Variants in GKAP1 observed in about 807,000 individuals in gnomAD.
GKAP1 encodes the protein G kinase anchoring protein 1, also known as G kinase-anchoring protein 1.
GKAP1 carries 31 observed loss-of-function variants against 56.7 expected under a neutral mutation model. The ratio of observed to expected loss-of-function variants is 0.55; its 90% CI spans 0.41 to 0.74. The LOEUF is 0.74. Among genes scored for constraint, GKAP1 ranks in the 30% least tolerant of loss-of-function variants. The probability of loss-of-function intolerance (pLI) is 0.00; values close to 1 mark genes in which losing one functional copy is unlikely to be tolerated. For synonymous variants in GKAP1, 151 were observed against 138.6 expected (o/e 1.09, Z -0.63); for missense variants, 364 against 402.3 (o/e 0.90, Z 0.82).
At chr9:83,799,754 G>C (rs1174395083) in intron 3 of GKAP1, among the ~76,000 whole-genome samples, 1 of 152,074 alleles carries the variant, frequency 6.6e-6, no homozygotes, top group African/African-American at 2.4e-5. Flanking sequence ...AGGAGATTGA[G>C]ACCAGCCTCA....
intron 2 of GKAP1, among the ~76,000 whole-genome samples, chr9:83,811,141 C>T (rs771056130): frequency 4.6e-5 from 7 of 152,166 alleles, no homozygotes; most frequent in Non-Finnish European, 8.8e-5. Context: ...CTGAAATGTG[C>T]CATGAGGCGC....
chr9:83,758,037 C>T (rs879465081), intron 8 of GKAP1, among the ~76,000 whole-genome samples: 2 of 152,032 alleles, frequency 1.3e-5, no homozygotes, highest in Non-Finnish European at 2.9e-5. Context: ...AACAGAGCCC[C>T]GAAGGCCACA....
At chr9:83,779,448 T>TACACACACACACACACACAC (rs368970118) in intron 7 of GKAP1, among the ~76,000 whole-genome samples, 1,268 of 119,572 alleles carry the variant, frequency 0.011, 32 homozygotes, top group Non-Finnish European at 0.016. Context: ...TATATATATA[T>TACACACACACACACACACAC]ACACACACAC....
chr9:83,739,560 G>C lies in GKAP1; in HGVS notation c.*137C>G. 2.0e-6 allele frequency: 1 copy of C among 489,074 alleles called. No individual in the cohort carries two copies. The highest frequency in any genetic ancestry group is 3.6e-6 in the Non-Finnish European group (1 of 278,144). 30.3% of individuals were successfully genotyped at this position (489,074 alleles called of 1,614,324 possible). ...TTAAGCCAAAAGAAATAAAATTATA[G>C]ACCATTAGGGAGCTAGTTGCTTTTA... On this transcript the variant is annotated 3_prime_UTR_variant, in exon 13 of 13. Coordinates refer to ENST00000376371, the MANE Select transcript of GKAP1 (RefSeq NM_025211.4).
At chr9:83,745,140 CCCACCTTAG>C (rs1218482690) in intron 10 of GKAP1, among the ~76,000 whole-genome samples, 2 of 152,122 alleles carry the variant, frequency 1.3e-5, no homozygotes, top group African/African-American at 4.8e-5. Flanking sequence ...ATGCAATCCT[CCCACCTTAG>C]CCTTCCAAGC....
intron 7 of GKAP1, among the ~76,000 whole-genome samples, chr9:83,769,638 G>C (rs1419929058): frequency 6.6e-6 from 1 of 152,062 alleles, no homozygotes. Context: ...ATAGACATTT[G>C]GGTTGTTGCT....
intron 8 of GKAP1, among the ~76,000 whole-genome samples, chr9:83,761,752 T>C (rs1943575191): frequency 6.6e-6 from 1 of 152,288 alleles, no homozygotes; most frequent in Non-Finnish European, 1.5e-5. Flanking sequence ...TGGTTCAACA[T>C]ATGCAAATCA....
At position 83,788,616 on chromosome 9, in the gene GKAP1, A is replaced by T; in HGVS notation, c.423T>A (p.Tyr141Ter). 1 of 1,584,346 alleles carries T rather than the reference A, an allele frequency of 6.3e-7. No individual in the cohort carries two copies. Among genetic ancestry groups the T allele is most frequent in the African/African-American group, 1.3e-5 (1 of 74,428 alleles). Reference sequence around the variant, plus strand: ...ATGTAAATACCTTTTTGTGCTCTTCATATTCTAGTTTACTTAGTAACAATG... The same window carrying T: ...ATGTAAATACCTTTTTGTGCTCTTCTTATTCTAGTTTACTTAGTAACAATG... ...EKALLLSKLEYEEHKKEYEDA... is the reference protein window; with the variant it reads ...EKALLLSKLE Residue 141 changes from tyrosine to a stop codon, truncating the protein, a stop_gained, in exon 5 of 13, where the codon TAT becomes TAA. Coordinates refer to ENST00000376371, the MANE Select transcript of GKAP1 (RefSeq NM_025211.4). LOFTEE classifies it high-confidence loss of function.
At chr9:83,798,921 C>G (rs1944289304) in intron 4 of GKAP1, among the ~76,000 whole-genome samples, 1 of 152,178 alleles carries the variant, frequency 6.6e-6, no homozygotes, top group Non-Finnish European at 1.5e-5. Context: ...CCTTCCCTGT[C>G]TCTCCCTGAT....
intron 4 of GKAP1, 167 bp from the exon 5 acceptor site, chr9:83,788,845 T>C (rs183635295): frequency 3.6e-5 from 15 of 410,974 alleles, no homozygotes; most frequent in South Asian, 1.5e-4. Context: ...CTATATTCTA[T>C]AGAAGACATC....
chr9:83,811,411 G>T (rs1417200669), intron 2 of GKAP1, among the ~76,000 whole-genome samples: 1 of 152,196 alleles, frequency 6.6e-6, no homozygotes, highest in Non-Finnish European at 1.5e-5. Flanking sequence ...AGTCACAGTT[G>T]AGACTATATC....
At chr9:83,798,674 C>T (rs1430160106) in intron 4 of GKAP1, among the ~76,000 whole-genome samples, 1 of 152,002 alleles carries the variant, frequency 6.6e-6, no homozygotes, top group South Asian at 2.1e-4. Context: ...CCTCCATGCC[C>T]GGCTAATTTT....
At chr9:83,789,248 GATAT>G (rs1944115143) in intron 4 of GKAP1, 1 of 152,154 alleles carries the variant, frequency 6.6e-6, no homozygotes, top group Admixed American at 6.5e-5. Context: ...GATTCTTTGT[GATAT>G]ATATTTGTTT....
intron 4 of GKAP1, among the ~76,000 whole-genome samples, chr9:83,791,290 C>T (rs1295461369): frequency 6.6e-6 from 1 of 151,926 alleles, no homozygotes; most frequent in Non-Finnish European, 1.5e-5. Context: ...GTAGTCCCAG[C>T]TACTCGGGAG....
rs1944158469 is a variant in GKAP1, at chr9:83,791,418, AAAATAG to A, written c.361-2746_361-2741del. 2.0e-5 allele frequency among the ~76,000 whole-genome samples: 3 copies of A among 152,174 alleles called. No homozygotes were observed. In the South Asian group the frequency reaches 6.2e-4, roughly 32 times the overall value. On this transcript the variant is annotated intron_variant, in intron 4 of 12. Transcript: ENST00000376371. ...ACTCCGTCTCAAAAAAAAAAAAAGG[AAAATAG>A]AAATAGAAATTTTAAAGTAAAAACA... is the stretch of plus-strand genomic sequence containing the variant.
chr9:83,779,638 C>A (rs929132862), intron 7 of GKAP1, among the ~76,000 whole-genome samples: 1 of 145,874 alleles, frequency 6.9e-6, no homozygotes, highest in East Asian at 2.0e-4. Flanking sequence ...CACACACACA[C>A]ACATTCTAAA....
intron 7 of GKAP1, among the ~76,000 whole-genome samples, chr9:83,770,592 T>C (rs1943741578): frequency 6.6e-6 from 1 of 152,062 alleles, no homozygotes; most frequent in Non-Finnish European, 1.5e-5. Context: ...AGTTTCACTC[T>C]TGTTGCCCAG....
At chr9:83,776,290 T>C (rs567625428) in intron 7 of GKAP1, among the ~76,000 whole-genome samples, 6 of 152,046 alleles carry the variant, frequency 3.9e-5, no homozygotes, top group African/African-American at 7.2e-5. Flanking sequence ...CTGAGAAGAA[T>C]AGAAAATAGG....
intron 7 of GKAP1, among the ~76,000 whole-genome samples, chr9:83,770,921 A>G (rs1943748609): frequency 6.6e-6 from 1 of 152,218 alleles, no homozygotes; most frequent in South Asian, 2.1e-4. Context: ...GATTTTTAAA[A>G]GATAAGATTT....
Sources: allele counts gnomAD v4.1 joint callset (sites outside exome capture counted in the v4.1 genomes callset), GRCh38; gene constraint gnomAD v4.1.1; transcripts MANE v1.5; gene names NCBI Gene and HGNC (gene_info 2026-07-23, HGNC 2026-07-21).